The following SLC25A33 variants were observed in gnomAD, a reference collection of about 807,000 sequenced individuals.
The protein encoded by SLC25A33 is bone marrow stromal cell mitochondrial carrier protein.
In SLC25A33, 15 loss-of-function variants were observed where a neutral mutation model predicts 35.5. The observed-to-expected ratio is 0.42, with a 90% CI of 0.28 to 0.65. The LOEUF (loss-of-function observed/expected upper bound fraction) is 0.65, where lower values mean the gene tolerates loss of function less well. Ranked by LOEUF, SLC25A33 falls within the 30% of genes least tolerant of loss-of-function variation. SLC25A33 has a pLI of 0.20. For missense variants in SLC25A33, 257 were observed against 398.5 expected, an observed-to-expected ratio of 0.64 and a Z score of 3.02; for synonymous variants, 136 against 148.7, an observed-to-expected ratio of 0.91 and a Z score of 0.62.
chr1:9,563,911 G>A lies in SLC25A33; in HGVS notation c.237-3373G>A, dbSNP rs897003541. Among the ~76,000 whole-genome samples, 11 of 152,010 alleles carry A rather than the reference G, an allele frequency of 7.2e-5. No individual in the cohort carries two copies. The South Asian group carries it at 8.3e-4, about 12-fold the overall frequency. ...TGACCTCAAGTGATCCACCCGCTTCGGCCTCCCAATGTGCTAGGATTACAG... is the reference window on the plus strand; with the variant it reads ...TGACCTCAAGTGATCCACCCGCTTCAGCCTCCCAATGTGCTAGGATTACAG... On this transcript the variant is annotated intron_variant, in intron 2 of 6. Coordinates refer to ENST00000302692, the MANE Select transcript of SLC25A33 (RefSeq NM_032315.3).
intron 1 of SLC25A33, among the ~76,000 whole-genome samples, chr1:9,553,225 TTTGGG>T (rs1643293892): frequency 1.0e-5 from 1 of 95,524 alleles, no homozygotes; most frequent in South Asian, 3.2e-4. Flanking sequence ...TTTTTTTTTT[TTTGGG>T]TTTTTTTTTT....
chr1:9,539,791 C>A, intron 1 of SLC25A33, 44 bp downstream of exon 1: 2 of 1,312,608 alleles, frequency 1.5e-6, no homozygotes, highest in Non-Finnish European at 1.9e-6. Context: ...CGCCTGCGGT[C>A]CCCTCGGCCT....
Position 9,554,070 on chromosome 1 carries a change from A to G in SLC25A33, c.236+265A>G, listed in dbSNP as rs144863169. Among the ~76,000 whole-genome samples the G allele has an allele frequency of 8.5e-3, 1,301 of 152,346 alleles. 20 individuals are homozygous for G. The highest frequency in any genetic ancestry group is 0.029 in the African/African-American group (1,221 of 41,574). ...CAAAAATCCACGTGTAAATTGTTGC[A>G]TCACATCATTGCTCTTGCTCAAAGC... On this transcript the variant is annotated intron_variant, in intron 2 of 6. Coordinates refer to ENST00000302692, the MANE Select transcript of SLC25A33 (RefSeq NM_032315.3).
chr1:9,549,155 G>C (rs1436436524), intron 1 of SLC25A33, among the ~76,000 whole-genome samples: 1 of 152,092 alleles, frequency 6.6e-6, no homozygotes, highest in Non-Finnish European at 1.5e-5. Flanking sequence ...GCTTGGGAAG[G>C]ACACTCAGTG....
chr1:9,555,522 T>TG (rs984362820), intron 2 of SLC25A33, among the ~76,000 whole-genome samples: 1 of 152,172 alleles, frequency 6.6e-6, no homozygotes, highest in African/African-American at 2.4e-5. Context: ...TATGAGTCAC[T>TG]GGGGCATTCA....
At chr1:9,571,788 G>GC (rs1171995570) in intron 4 of SLC25A33, among the ~76,000 whole-genome samples, 3 of 152,074 alleles carry the variant, frequency 2.0e-5, no homozygotes, top group Admixed American at 1.3e-4. Context: ...ATAGCTGCAT[G>GC]CCACCATGCC....
chr1:9,539,960 C>T (rs1282371559), intron 1 of SLC25A33, among the ~76,000 whole-genome samples: 2 of 152,132 alleles, frequency 1.3e-5, no homozygotes, highest in Admixed American at 6.5e-5. Flanking sequence ...GACCGCAGCC[C>T]CGAGGGCGGC....
chr1:9,571,363 G>A (rs1455652952), intron 4 of SLC25A33, among the ~76,000 whole-genome samples: 2 of 152,050 alleles, frequency 1.3e-5, no homozygotes, highest in Non-Finnish European at 2.9e-5. Flanking sequence ...GCGCAATCTC[G>A]GCTCACTGCA....
At chr1:9,539,826 C>T (rs1220395992) in intron 1 of SLC25A33, 79 bp downstream of exon 1, 2 of 1,215,216 alleles carry the variant, frequency 1.6e-6, no homozygotes, top group Non-Finnish European at 2.1e-6. Context: ...GCCCCAGCCT[C>T]CCGCGGCGGT....
intron 3 of SLC25A33, among the ~76,000 whole-genome samples, 194 bp downstream of exon 3, chr1:9,567,555 C>T (rs764804627): frequency 1.3e-5 from 2 of 152,220 alleles, no homozygotes; most frequent in African/African-American, 4.8e-5. Context: ...ATTCTACTTA[C>T]TGTATTCTTT....
chr1:9,564,725 T>TAAAAAA (rs1553146726), intron 2 of SLC25A33, among the ~76,000 whole-genome samples: 16 of 94,484 alleles, frequency 1.7e-4, no homozygotes, highest in African/African-American at 5.5e-4. Context: ...CGTCTCTATT[T>TAAAAAA]AAAAAAAAAA....
chr1:9,544,338 G>C (rs977410133), intron 1 of SLC25A33, among the ~76,000 whole-genome samples: 1 of 148,210 alleles, frequency 6.7e-6, no homozygotes, highest in African/African-American at 2.5e-5. Flanking sequence ...GTGACATCTC[G>C]GCTCGCTGCA....
chr1:9,549,954 T>TTA (rs888371299), intron 1 of SLC25A33, among the ~76,000 whole-genome samples: 5 of 144,164 alleles, frequency 3.5e-5, no homozygotes, highest in Admixed American at 1.4e-4. Flanking sequence ...ATATGTATCT[T>TTA]TATATATATA....
intron 2 of SLC25A33, among the ~76,000 whole-genome samples, chr1:9,554,910 G>A (rs1182357624): frequency 6.6e-6 from 1 of 152,076 alleles, no homozygotes; most frequent in Non-Finnish European, 1.5e-5. Context: ...TCAGGACCTT[G>A]TACTTTGAGA....
At chr1:9,564,739 A>AAAAAAAATATATATATATATAT (rs60174872) in intron 2 of SLC25A33, among the ~76,000 whole-genome samples, 3 of 96,538 alleles carry the variant, frequency 3.1e-5, no homozygotes, top group Non-Finnish European at 4.0e-5. Context: ...AAAAAAAAAA[A>AAAAAAAATATATATATATATAT]ATATATATAT....
intron 5 of SLC25A33, among the ~76,000 whole-genome samples, chr1:9,574,968 C>CTT (rs1010112141): frequency 3.3e-5 from 5 of 152,088 alleles, no homozygotes; most frequent in Non-Finnish European, 7.4e-5. Context: ...AATCCCAGCA[C>CTT]TTTGAGAGGC....
chr1:9,562,406 C>T (rs577941187), intron 2 of SLC25A33, among the ~76,000 whole-genome samples: 4 of 151,124 alleles, frequency 2.6e-5, no homozygotes, highest in Admixed American at 6.6e-5. Flanking sequence ...ATCTCATCTA[C>T]TCAGGAGGCT....
chr1:9,572,803 C>T (rs1643609651), intron 4 of SLC25A33, among the ~76,000 whole-genome samples: 1 of 150,408 alleles, frequency 6.6e-6, no homozygotes, highest in African/African-American at 2.5e-5. Context: ...TGTGTTGGCT[C>T]ATGCTTGTAA....
intron 2 of SLC25A33, among the ~76,000 whole-genome samples, chr1:9,565,207 T>C (rs1437849087): frequency 1.3e-5 from 2 of 152,140 alleles, no homozygotes; most frequent in African/African-American, 2.4e-5. Context: ...GTGGATGTAC[T>C]TAATGTCACT....
Sources: gnomAD v4.1 joint callset for allele counts (sites outside exome capture counted in the v4.1 genomes callset) on GRCh38, gnomAD v4.1.1 for gene constraint, MANE v1.5 for transcripts, NCBI Gene and HGNC (gene_info 2026-07-23, HGNC 2026-07-21) for gene names.